FTO: variants seen among roughly 807,000 people sequenced by gnomAD.
FTO encodes FTO alpha-ketoglutarate dependent dioxygenase.
FTO carries 47 observed loss-of-function variants against 63.9 expected under a neutral mutation model. That is an observed-to-expected ratio of 0.74 (90% CI 0.58 to 0.94). The LOEUF is 0.94. Among genes scored for constraint, FTO ranks in the 40% least tolerant of loss-of-function variants. The pLI is 0.00. For synonymous variants in FTO, 207 were observed against 224.4 expected (o/e 0.92, Z 0.69); for missense variants, 562 against 618.1 (o/e 0.91, Z 0.96).
rs184522695 is a variant in FTO at position 54,067,985 on chromosome 16, T to C, written c.1365-43777T>C. 4.5e-3 allele frequency among the ~76,000 whole-genome samples: 685 copies of C among 152,262 alleles called. 1 individual carries two copies. Among genetic ancestry groups the C allele is most frequent in the Non-Finnish European group, 7.3e-3 (494 of 68,008 alleles). Reference sequence around the variant, plus strand: ...CCTCTCTCCTCTGTCTTTTTTTTTTTCTTCCTCCTCCAGATATAACTGGGG... The same window carrying C: ...CCTCTCTCCTCTGTCTTTTTTTTTTCCTTCCTCCTCCAGATATAACTGGGG... On this transcript the variant is annotated intron_variant, in intron 8 of 8. Coordinates refer to ENST00000471389, the MANE Select transcript of FTO (RefSeq NM_001080432.3).
At chr16:53,705,818 A>G (rs945173916) in intron 1 of FTO, among the ~76,000 whole-genome samples, 1 of 152,202 alleles carries the variant, frequency 6.6e-6, no homozygotes, top group Non-Finnish European at 1.5e-5. Context: ...AAAGTATTTC[A>G]TTTATTCTGT....
At chr16:53,790,151 A>AT (rs141816793) in intron 1 of FTO, among the ~76,000 whole-genome samples, 5 of 150,860 alleles carry the variant, frequency 3.3e-5, no homozygotes, top group African/African-American at 1.2e-4. Flanking sequence ...GTCCTTAGCC[A>AT]TTTTTTTTAA....
chr16:54,036,902 G>A (rs1243277361), intron 8 of FTO, among the ~76,000 whole-genome samples: 4 of 152,112 alleles, frequency 2.6e-5, no homozygotes, highest in African/African-American at 4.8e-5. Flanking sequence ...GCCTCTGTAC[G>A]GATACAGGAT....
At chr16:53,890,450 G>A (rs1453612633) in intron 7 of FTO, among the ~76,000 whole-genome samples, 1 of 151,902 alleles carries the variant, frequency 6.6e-6, no homozygotes, top group Non-Finnish European at 1.5e-5. Flanking sequence ...CTTAACATAG[G>A]ATCTACCCTA....
At chr16:54,017,552 A>G (rs2084481500) in intron 8 of FTO, among the ~76,000 whole-genome samples, 1 of 152,208 alleles carries the variant, frequency 6.6e-6, no homozygotes, top group Non-Finnish European at 1.5e-5. Flanking sequence ...GAACACTTGA[A>G]TCAAAGCACT....
intron 1 of FTO, among the ~76,000 whole-genome samples, chr16:53,749,664 C>T (rs1199251548): frequency 1.3e-5 from 2 of 151,988 alleles, no homozygotes; most frequent in Admixed American, 6.6e-5. Flanking sequence ...TGGTCTCGAT[C>T]TCCTGACCTC....
chr16:53,777,575 T>C (rs1012430521), intron 1 of FTO, among the ~76,000 whole-genome samples: 1 of 152,216 alleles, frequency 6.6e-6, no homozygotes, highest in African/African-American at 2.4e-5. Flanking sequence ...TTTGATCATT[T>C]GGAAAATTAT....
At chr16:54,023,582 G>A (rs532364474) in intron 8 of FTO, among the ~76,000 whole-genome samples, 1 of 152,288 alleles carries the variant, frequency 6.6e-6, no homozygotes, top group East Asian at 1.9e-4. Context: ...ACTGGATAAA[G>A]AGCCTTCCGT....
intron 3 of FTO, among the ~76,000 whole-genome samples, chr16:53,842,264 C>T (rs1206071940): frequency 6.6e-6 from 1 of 152,090 alleles, no homozygotes; most frequent in African/African-American, 2.4e-5. Flanking sequence ...TAAAATGTCC[C>T]CTTCATGGTA....
intron 1 of FTO, among the ~76,000 whole-genome samples, chr16:53,728,780 T>TG (rs1485309320): frequency 6.4e-4 from 97 of 150,848 alleles, no homozygotes; most frequent in Admixed American, 3.4e-3. Flanking sequence ...TTTTTTTTTT[T>TG]GTCAGGGAGT....
intron 7 of FTO, among the ~76,000 whole-genome samples, chr16:53,931,046 A>G (rs1286394539): frequency 2.0e-5 from 3 of 152,186 alleles, no homozygotes; most frequent in Non-Finnish European, 4.4e-5. Context: ...TTTCTTTCTT[A>G]CATCCTTCCC....
intron 8 of FTO, among the ~76,000 whole-genome samples, chr16:53,954,092 A>G (rs1163277888): frequency 6.6e-6 from 1 of 152,248 alleles, no homozygotes; most frequent in Non-Finnish European, 1.5e-5. Flanking sequence ...GGCAAGGAGT[A>G]GATGTTCATA....
intron 1 of FTO, among the ~76,000 whole-genome samples, chr16:53,716,740 A>T (rs1239394785): frequency 6.6e-6 from 1 of 151,482 alleles, no homozygotes; most frequent in Non-Finnish European, 1.5e-5. Context: ...TCTTAATGAA[A>T]TTTTTTTTCT....
intron 4 of FTO, among the ~76,000 whole-genome samples, chr16:53,851,570 C>G (rs2151833725): frequency 6.6e-6 from 1 of 152,178 alleles, no homozygotes; most frequent in Non-Finnish European, 1.5e-5. Context: ...TTCTCTTTCC[C>G]CTTGCTTTCC....
At chr16:54,105,298 T>C (rs913652484) in intron 8 of FTO, among the ~76,000 whole-genome samples, 6 of 152,228 alleles carry the variant, frequency 3.9e-5, no homozygotes, top group Non-Finnish European at 7.3e-5. Context: ...TTCTAGAAAC[T>C]GGAGGTAAAA....
At chr16:53,912,397 C>T (rs1299609973) in intron 7 of FTO, among the ~76,000 whole-genome samples, 8 of 152,034 alleles carry the variant, frequency 5.3e-5, no homozygotes, top group Non-Finnish European at 5.9e-5. Flanking sequence ...CACTGACATG[C>T]GTCAGTGAAA....
At chr16:53,719,253 CTTT>C (rs10527186) in intron 1 of FTO, among the ~76,000 whole-genome samples, 6 of 135,648 alleles carry the variant, frequency 4.4e-5, no homozygotes, top group African/African-American at 1.7e-4. Flanking sequence ...TCTTCTTCTT[CTTT>C]TTTTTTTTTT....
chr16:53,761,805 T>G (rs1174007799), intron 1 of FTO, among the ~76,000 whole-genome samples: 4 of 152,192 alleles, frequency 2.6e-5, no homozygotes, highest in African/African-American at 9.7e-5. Flanking sequence ...AGTCTGCTCA[T>G]TGATTACCTT....
At chr16:53,925,720 T>C (rs1037663094) in intron 7 of FTO, among the ~76,000 whole-genome samples, 3 of 152,138 alleles carry the variant, frequency 2.0e-5, no homozygotes, top group African/African-American at 7.2e-5. Context: ...GAGTGGTTCC[T>C]CTCTGAAAAC....
Sources: gnomAD v4.1 joint callset for allele counts (sites outside exome capture counted in the v4.1 genomes callset) on GRCh38, gnomAD v4.1.1 for gene constraint, MANE v1.5 for transcripts, NCBI Gene and HGNC (gene_info 2026-07-23, HGNC 2026-07-21) for gene names.